GLS2: variants seen among roughly 807,000 people sequenced by gnomAD.
The protein encoded by GLS2 is glutaminase liver isoform, mitochondrial.
Under a neutral mutation model 79.0 loss-of-function variants are expected in GLS2, and 52 were observed. The observed-to-expected ratio is 0.66, with a 90% CI of 0.53 to 0.83. The LOEUF is 0.83. GLS2 is among the 40% of genes least tolerant of loss of function. GLS2 has a pLI of 0.00. For synonymous variants in GLS2, 238 were observed against 280.8 expected (o/e 0.85, Z 1.52); for missense variants, 561 against 764.8 (o/e 0.73, Z 3.14).
At position 56,471,552 on chromosome 12, in the gene GLS2, A is replaced by G; in HGVS notation, c.1744T>C (p.Ser582Pro). The change falls in exon 18 of 18, where the codon TCT (serine) becomes CCT (proline). Residue 582 changes from serine to proline, a missense_variant. Physicochemically the swap from Ser to Pro is moderately conservative, Grantham distance 74. Coordinates refer to ENST00000311966, the MANE Select transcript of GLS2 (RefSeq NM_013267.4). ...GCTGCTGCCTCAGCCTGAGTTTCAG[A>G]GAGTGTGTAGGAGTCCTGGTAATCT... ...LQDYQDSYTL[S>P]ETQAEAAAEA... is the part of the protein sequence containing the mutation. 4 of 1,614,104 alleles carry G rather than the reference A, an allele frequency of 2.5e-6. No homozygotes were observed. In the South Asian group the frequency reaches 4.4e-5, roughly 18 times the overall value.
Position 56,475,079 on chromosome 12 carries a change from T to A in GLS2, c.961A>T (p.Asn321Tyr). Residue 321 changes from asparagine (N) to tyrosine (Y), a missense_variant, in exon 10 of 18, where the codon AAT becomes TAT. Physicochemically the swap from Asn to Tyr is moderately radical, Grantham distance 143. Transcript: ENST00000311966. ...FQSEKETGDR[N>Y]YAIGYYLKEK... ...TTGAGATAATAGCCGATGGCATAAT[T>A]CCGATCCCCTGTTTCCTTCTCTGAC... 1 of 1,614,142 alleles carries A rather than the reference T, an allele frequency of 6.2e-7. No homozygotes were observed. Among genetic ancestry groups the A allele is most frequent in the South Asian group, 1.1e-5 (1 of 91,080 alleles).
rs998308682 is a variant in GLS2, at chr12:56,473,110, T to C, written c.1449+118A>G. 72 of 897,838 alleles carry C rather than the reference T, an allele frequency of 8.0e-5. No homozygotes were observed. In the East Asian group the frequency reaches 1.7e-3, roughly 21 times the overall value. The allele number at this position is 897,838 out of a possible 1,614,324, so 55.6% of individuals were successfully genotyped here. A position where few individuals can be genotyped will look rare whatever the true frequency, so the allele number is the denominator to read the frequency against. On this transcript the variant is annotated intron_variant, in intron 14 of 17. Transcript: ENST00000311966. ...TTCACCGTGTTAGCCAGGATGGTCT[T>C]GATCTCCTGACCTTGTGATCCGCCC...
chr12:56,475,493 G>T, intron 9 of GLS2, 131 bp downstream of exon 9: 2 of 903,946 alleles, frequency 2.2e-6, no homozygotes, highest in Non-Finnish European at 3.4e-6. Flanking sequence ...CTCAGAGGAA[G>T]CTGGAGGGCC....
chr12:56,484,005 C>T (rs1870498575), intron 1 of GLS2, among the ~76,000 whole-genome samples: 1 of 152,110 alleles, frequency 6.6e-6, no homozygotes, highest in Non-Finnish European at 1.5e-5. Context: ...GGCATGGTGG[C>T]TCATGCCTGT....
intron 1 of GLS2, chr12:56,487,576 T>A: frequency 3.1e-6 from 1 of 324,780 alleles, no homozygotes; most frequent in Non-Finnish European, 5.7e-6. Context: ...CATCCACGCA[T>A]CTCCTAAAAT....
chr12:56,482,811 G>A (rs1420449326), intron 1 of GLS2, among the ~76,000 whole-genome samples: 1 of 152,088 alleles, frequency 6.6e-6, no homozygotes, highest in Non-Finnish European at 1.5e-5. Flanking sequence ...TGCCTAGGCC[G>A]ATCTCAAACT....
chr12:56,478,195 A>G lies in GLS2; in HGVS notation c.602T>C (p.Val201Ala), dbSNP rs1251088174. The G allele has an allele frequency of 2.5e-6, 4 of 1,614,122 alleles. No individual in the cohort carries two copies. In the African/African-American group the frequency reaches 5.3e-5, roughly 22 times the overall value. ...PDLWGVSLCT[V>A]DGQRHSVGHT... Reference sequence around the variant, plus strand: ...CCCAGCATCTCACCGTTGACCATCCACAGTGCACAGGGAGACACCCCACAG... The same window carrying G: ...CCCAGCATCTCACCGTTGACCATCCGCAGTGCACAGGGAGACACCCCACAG... The change falls in exon 5 of 18, where the codon GTG (valine) becomes GCG (alanine). Residue 201 changes from valine to alanine, a missense_variant. Transcript: ENST00000311966.
chr12:56,481,677 G>A lies in GLS2; in HGVS notation c.183-1290C>T, dbSNP rs908782368. ...AGGCTGAGGCAGGCGGATCACCTGA[G>A]GTTAGGAGTTTGAGACCAGCCTGGC... On this transcript the variant is annotated intron_variant, in intron 1 of 17. Coordinates refer to ENST00000311966, the MANE Select transcript of GLS2 (RefSeq NM_013267.4). Among the ~76,000 whole-genome samples the A allele has an allele frequency of 1.3e-5, 2 of 150,662 alleles. 1 individual carries two copies. The highest frequency in any genetic ancestry group is 4.9e-5 in the African/African-American group (2 of 40,800).
In GLS2 at chr12:56,477,872, G is replaced by T. The variant is rs770054122; in HGVS notation, c.778+61C>A. Reference sequence around the variant, plus strand: ...AGAGAAACAAAAAAGGCTGGGAGATGGGGTGGGGATAAGGAGAAGGGGACA... The same window carrying T: ...AGAGAAACAAAAAAGGCTGGGAGATTGGGTGGGGATAAGGAGAAGGGGACA... On this transcript the variant is annotated intron_variant, in intron 6 of 17. Transcript: ENST00000311966. The T allele has an allele frequency of 1.9e-4, 290 of 1,567,492 alleles. 1 individual carries two copies. The highest frequency in any genetic ancestry group is 1.3e-4 in the Non-Finnish European group (145 of 1,152,672).
intron 3 of GLS2, 173 bp downstream of exon 3, chr12:56,479,607 A>G: frequency 1.4e-6 from 1 of 739,926 alleles, no homozygotes; most frequent in South Asian, 3.4e-5. Context: ...GAGAACATGT[A>G]TTTCTATATT....
intron 8 of GLS2, 91 bp downstream of exon 8, chr12:56,475,854 G>T: frequency 1.4e-6 from 2 of 1,449,864 alleles, no homozygotes; most frequent in Middle Eastern, 1.8e-4. Context: ...TGGTGCACCT[G>T]GTAGTGGGGT....
chr12:56,471,440 G>T lies in GLS2; in HGVS notation c.*47C>A, dbSNP rs1869248837. ...TTTGGTGGTTATGGATTACATGTGT[G>T]GCCAGCTCATGCTTTTTCTTGAGCA... On this transcript the variant is annotated 3_prime_UTR_variant, in exon 18 of 18. Transcript: ENST00000311966. 1.2e-5 allele frequency: 18 copies of T among 1,563,558 alleles called. No homozygotes were observed. The highest frequency in any genetic ancestry group is 1.6e-5 in the Non-Finnish European group (18 of 1,153,714).
Position 56,471,237 on chromosome 12 carries a change from G to A in GLS2, c.*250C>T. The A allele has an allele frequency of 2.1e-6, 1 of 486,616 alleles. No homozygotes were observed. The highest frequency in any genetic ancestry group is 3.6e-6 in the Non-Finnish European group (1 of 278,290). 30.1% of individuals were successfully genotyped at this position (486,616 alleles called of 1,614,324 possible). A position where few individuals can be genotyped will look rare whatever the true frequency, so the allele number is the denominator to read the frequency against. Reference sequence around the variant, plus strand: ...TGGTTTTGAGTGGGGCAAGCCATTAGGCTGTACCTTGAAGCCCAGTCTCTC... The same window carrying A: ...TGGTTTTGAGTGGGGCAAGCCATTAAGCTGTACCTTGAAGCCCAGTCTCTC... On this transcript the variant is annotated 3_prime_UTR_variant, in exon 18 of 18. Transcript: ENST00000311966.
chr12:56,472,505 T>G (rs905106718), intron 15 of GLS2, 185 bp downstream of exon 15: 3 of 624,534 alleles, frequency 4.8e-6, no homozygotes, highest in Non-Finnish European at 8.4e-6. Flanking sequence ...ACATTAATTA[T>G]CATAGAGCAG....
chr12:56,484,214 G>A (rs1204578192), intron 1 of GLS2, among the ~76,000 whole-genome samples: 1 of 152,164 alleles, frequency 6.6e-6, no homozygotes, highest in Non-Finnish European at 1.5e-5. Flanking sequence ...AGGTTGCAGT[G>A]AGCTGAGATT....
chr12:56,474,973 C>T, intron 10 of GLS2, 71 bp downstream of exon 10: 1 of 1,613,724 alleles, frequency 6.2e-7, no homozygotes, highest in Middle Eastern at 1.7e-4. Flanking sequence ...AGCTGAAGCC[C>T]CCAACCCCTA....
intron 1 of GLS2, among the ~76,000 whole-genome samples, chr12:56,483,729 T>C (rs934413425): frequency 6.6e-6 from 1 of 152,164 alleles, no homozygotes; most frequent in Non-Finnish European, 1.5e-5. Context: ...TATAGGTGTA[T>C]GCCACCATGC....
Position 56,478,105 on chromosome 12 carries a change from A to G in GLS2, c.615-9T>C. 6.2e-7 allele frequency: 1 copy of G among 1,614,074 alleles called. No individual in the cohort carries two copies. The highest frequency in any genetic ancestry group is 8.5e-7 in the Non-Finnish European group (1 of 1,179,936). On this transcript the variant is annotated splice_polypyrimidine_tract_variant and intron_variant, in intron 5 of 17. Transcript: ENST00000311966. ...TGTGGCCCACAGAGTGCCTGGAGGC[A>G]GACAGATGCCATGAAAGGGGTTGGC...
intron 3 of GLS2, 72 bp downstream of exon 3, chr12:56,479,708 C>T: frequency 6.8e-7 from 1 of 1,479,732 alleles, no homozygotes; most frequent in Non-Finnish European, 9.0e-7. Context: ...TCCCAAATTC[C>T]TCCCTGCTCT....
Sources: gnomAD v4.1 joint callset for allele counts (sites outside exome capture counted in the v4.1 genomes callset) on GRCh38, gnomAD v4.1.1 for gene constraint, MANE v1.5 for transcripts, NCBI Gene and HGNC (gene_info 2026-07-23, HGNC 2026-07-21) for gene names.